Variants in DACH1 observed in about 807,000 individuals in gnomAD.
The protein encoded by DACH1 is dachshund family transcription factor 1, also known as dachshund homolog 1.
In DACH1, 12 loss-of-function variants were observed where a neutral mutation model predicts 54.2. The ratio of observed to expected loss-of-function variants is 0.22; its 90% CI spans 0.14 to 0.36. The LOEUF is 0.36. DACH1 is among the 10% of genes least tolerant of loss of function. The probability of loss-of-function intolerance (pLI) is 1.00; values close to 1 mark genes in which losing one functional copy is unlikely to be tolerated. For missense variants in DACH1, 805 were observed against 929.8 expected (o/e 0.87, Z 1.75); for synonymous variants, 386 against 366.2 (o/e 1.05, Z -0.62).
chr13:71,716,666 A>G (rs1882983838), intron 1 of DACH1, among the ~76,000 whole-genome samples: 1 of 152,098 alleles, frequency 6.6e-6, no homozygotes, highest in Non-Finnish European at 1.5e-5. Flanking sequence ...ATAATAATTT[A>G]TGTATTATTT....
chr13:71,589,380 A>G (rs966351489), intron 3 of DACH1, among the ~76,000 whole-genome samples: 1 of 152,034 alleles, frequency 6.6e-6, no homozygotes, highest in Admixed American at 6.5e-5. Flanking sequence ...TAATTGAAAA[A>G]TAGTGATAAT....
chr13:71,564,710 T>C (rs1323743272), intron 4 of DACH1, among the ~76,000 whole-genome samples: 1 of 152,150 alleles, frequency 6.6e-6, no homozygotes, highest in Non-Finnish European at 1.5e-5. Context: ...TTCTCCTCTC[T>C]GCACCTTAAA....
In DACH1 at chr13:71,590,203, T is replaced by C. The variant is rs145311900; in HGVS notation, c.1127-17191A>G. 6.0e-3 allele frequency among the ~76,000 whole-genome samples: 906 copies of C among 152,186 alleles called. 9 individuals carry two copies. Among genetic ancestry groups the C allele is most frequent in the African/African-American group, 0.021 (864 of 41,544 alleles). On this transcript the variant is annotated intron_variant, in intron 3 of 10. Transcript: ENST00000613252. ...TCAGTAAGAAAAAGAAAACCTGTTATATAAGCTCACAAAAAATCATTAATA... is the reference window on the plus strand; with the variant it reads ...TCAGTAAGAAAAAGAAAACCTGTTACATAAGCTCACAAAAAATCATTAATA...
chr13:71,458,436 T>C (rs1262084697), intron 10 of DACH1, among the ~76,000 whole-genome samples: 1 of 152,000 alleles, frequency 6.6e-6, no homozygotes, highest in Non-Finnish European at 1.5e-5. Context: ...GCAATTTATA[T>C]GCATTTCAGA....
Position 71,750,663 on chromosome 13 carries a change from A to G in DACH1, c.849-68753T>C, listed in dbSNP as rs563122618. Among the ~76,000 whole-genome samples the G allele has an allele frequency of 2.0e-5, 3 of 152,296 alleles. No individual in the cohort carries two copies. The East Asian group carries it at 5.8e-4, about 29-fold the overall frequency. ...TCACTACCATGCATGGCTTTTTGAT[A>G]TTTTTAGTTATTAGCAAAATAGAAA... On this transcript the variant is annotated intron_variant, in intron 1 of 10. Coordinates refer to ENST00000613252, the MANE Select transcript of DACH1 (RefSeq NM_080759.6).
At chr13:71,526,732 A>G (rs1370073597) in intron 6 of DACH1, among the ~76,000 whole-genome samples, 1 of 150,714 alleles carries the variant, frequency 6.6e-6, no homozygotes, top group Non-Finnish European at 1.5e-5. Flanking sequence ...ATATAGGTAT[A>G]TATATGTATG....
At chr13:71,559,754 G>A in intron 5 of DACH1, 66 bp downstream of exon 5, 1 of 1,597,452 alleles carries the variant, frequency 6.3e-7, no homozygotes. Flanking sequence ...AGGGCATGTT[G>A]ATTAGAAAAT....
At chr13:71,515,228 G>A (rs1435973141) in intron 6 of DACH1, among the ~76,000 whole-genome samples, 30 of 151,884 alleles carry the variant, frequency 2.0e-4, no homozygotes, top group Non-Finnish European at 2.9e-5. Context: ...AAGTAAAAAT[G>A]TTAATGTGTT....
chr13:71,555,490 C>T (rs990298120), intron 6 of DACH1, among the ~76,000 whole-genome samples: 8 of 151,638 alleles, frequency 5.3e-5, no homozygotes, highest in Non-Finnish European at 1.2e-4. Flanking sequence ...ACTACAGGTG[C>T]GCACCATCAC....
chr13:71,713,871 T>TA (rs1157783518), intron 1 of DACH1, among the ~76,000 whole-genome samples: 1 of 152,088 alleles, frequency 6.6e-6, no homozygotes, highest in Non-Finnish European at 1.5e-5. Context: ...TAATTTCTAA[T>TA]AATCATAAAT....
intron 1 of DACH1, among the ~76,000 whole-genome samples, chr13:71,820,380 T>C (rs1888138847): frequency 6.6e-6 from 1 of 152,114 alleles, no homozygotes; most frequent in Admixed American, 6.6e-5. Flanking sequence ...CAAGGAGATG[T>C]GATTGCTCAT....
intron 6 of DACH1, among the ~76,000 whole-genome samples, chr13:71,519,491 C>G (rs1881411814): frequency 2.0e-5 from 3 of 151,446 alleles, no homozygotes; most frequent in Admixed American, 2.0e-4. Context: ...GGTTTCCTAC[C>G]ATTTTTCCAA....
intron 1 of DACH1, among the ~76,000 whole-genome samples, chr13:71,781,540 G>A (rs112061346): frequency 0.014 from 2,097 of 151,716 alleles, 44 homozygotes; most frequent in African/African-American, 0.045. Context: ...CAAAGCGCCC[G>A]GCTAATTTTT....
intron 7 of DACH1, among the ~76,000 whole-genome samples, chr13:71,483,028 C>A (rs916135361): frequency 6.6e-6 from 1 of 151,828 alleles, no homozygotes; most frequent in African/African-American, 2.4e-5. Flanking sequence ...ATTTCAAACC[C>A]CTTACCTCAG....
At chr13:71,720,286 C>T (rs1883169706) in intron 1 of DACH1, among the ~76,000 whole-genome samples, 1 of 152,144 alleles carries the variant, frequency 6.6e-6, no homozygotes, top group East Asian at 1.9e-4. Context: ...GGCTGGCAGA[C>T]ATTTGGACTT....
intron 2 of DACH1, among the ~76,000 whole-genome samples, chr13:71,665,502 A>T (rs1879773084): frequency 6.6e-6 from 1 of 152,052 alleles, no homozygotes; most frequent in African/African-American, 2.4e-5. Context: ...CACCAGTATT[A>T]TGAGAGAAAT....
At chr13:71,838,749 T>C (rs1888899099) in intron 1 of DACH1, among the ~76,000 whole-genome samples, 1 of 152,216 alleles carries the variant, frequency 6.6e-6, no homozygotes, top group Non-Finnish European at 1.5e-5. Flanking sequence ...TCTGTGTTTA[T>C]TTTAAAGGCA....
At chr13:71,528,509 G>T (rs1220982130) in intron 6 of DACH1, among the ~76,000 whole-genome samples, 1 of 135,128 alleles carries the variant, frequency 7.4e-6, no homozygotes, top group Non-Finnish European at 1.5e-5. Context: ...CTCACTTCAA[G>T]CTCCGCCTCC....
At chr13:71,821,406 G>A (rs1888179012) in intron 1 of DACH1, among the ~76,000 whole-genome samples, 1 of 59,584 alleles carries the variant, frequency 1.7e-5, no homozygotes, top group African/African-American at 5.1e-5. Flanking sequence ...TCCCTTCTCA[G>A]CTTGATTATT....
Sources: gnomAD v4.1 joint callset for allele counts (sites outside exome capture counted in the v4.1 genomes callset) on GRCh38, gnomAD v4.1.1 for gene constraint, MANE v1.5 for transcripts, NCBI Gene and HGNC (gene_info 2026-07-23, HGNC 2026-07-21) for gene names.